Variants in TAB2 observed in about 807,000 individuals in gnomAD.
The protein encoded by TAB2 is TGF-beta activated kinase 1 (MAP3K7) binding protein 2, also known as TGF-beta-activated kinase 1 and MAP3K7-binding protein 2.
In TAB2, 3 loss-of-function variants were observed where a neutral mutation model predicts 65.0. The ratio of observed to expected loss-of-function variants is 0.05; its 90% CI spans 0.02 to 0.12. The LOEUF (loss-of-function observed/expected upper bound fraction) is 0.12. TAB2 is among the 10% of genes least tolerant of loss of function. TAB2 has a pLI of 1.00. For missense variants in TAB2, 623 were observed against 840.3 expected (o/e 0.74, Z 3.20); for synonymous variants, 298 against 285.1 (o/e 1.05, Z -0.46).
intron 1 of TAB2, among the ~76,000 whole-genome samples, chr6:149,222,235 C>T (rs1008167417): frequency 6.6e-6 from 1 of 152,210 alleles, no homozygotes; most frequent in Non-Finnish European, 1.5e-5. Context: ...ACTGGAATTA[C>T]ACCACCAGCT....
intron 6 of TAB2, among the ~76,000 whole-genome samples, chr6:149,402,184 C>A (rs1291495104): frequency 6.6e-6 from 1 of 151,328 alleles, no homozygotes; most frequent in Non-Finnish European, 1.5e-5. Flanking sequence ...GATTGACAAA[C>A]CCTTAGCTAG....
At chr6:149,373,998 A>AT (rs1410589724) in intron 2 of TAB2, among the ~76,000 whole-genome samples, 2 of 152,212 alleles carry the variant, frequency 1.3e-5, no homozygotes, top group Non-Finnish European at 2.9e-5. Context: ...CATAATGACC[A>AT]AAACTGATTG....
chr6:149,381,087 TC>T (rs1356264399), intron 3 of TAB2, among the ~76,000 whole-genome samples: 1 of 152,192 alleles, frequency 6.6e-6, no homozygotes, highest in Non-Finnish European at 1.5e-5. Flanking sequence ...CATATCGAGA[TC>T]CCTATCTCAA....
chr6:149,310,593 G>A (rs777389565), intron 1 of TAB2, among the ~76,000 whole-genome samples: 20 of 151,856 alleles, frequency 1.3e-4, no homozygotes, highest in African/African-American at 4.1e-4. Context: ...GCATTTACAT[G>A]ATTACCAATG....
intron 1 of TAB2, among the ~76,000 whole-genome samples, chr6:149,254,033 AAGAG>A (rs1214263917): frequency 1.3e-5 from 2 of 149,138 alleles, no homozygotes; most frequent in Non-Finnish European, 3.0e-5. Flanking sequence ...AAAAGAAAGA[AAGAG>A]AGAAAGAAAG....
chr6:149,294,016 TAAA>T (rs371482118), intron 1 of TAB2, among the ~76,000 whole-genome samples: 1 of 151,948 alleles, frequency 6.6e-6, no homozygotes. Context: ...AGTGAAGAGC[TAAA>T]AAAAACCCTA....
chr6:149,404,241 C>G (rs1782585986), intron 6 of TAB2, among the ~76,000 whole-genome samples: 1 of 152,006 alleles, frequency 6.6e-6, no homozygotes, highest in Non-Finnish European at 1.5e-5. Flanking sequence ...AAGAAGAGTG[C>G]TTAGGAATAC....
intron 1 of TAB2, among the ~76,000 whole-genome samples, chr6:149,334,466 G>A (rs1779874991): frequency 6.6e-6 from 1 of 152,090 alleles, no homozygotes; most frequent in African/African-American, 2.4e-5. Flanking sequence ...GATTGCTGAA[G>A]CCAGGAGTTT....
At chr6:149,326,487 T>C (rs1779622498) in intron 1 of TAB2, among the ~76,000 whole-genome samples, 1 of 152,028 alleles carries the variant, frequency 6.6e-6, no homozygotes, top group African/African-American at 2.4e-5. Context: ...ATAAATGACA[T>C]GTTATCATGG....
intron 6 of TAB2, among the ~76,000 whole-genome samples, chr6:149,405,746 G>C (rs1166925718): frequency 6.6e-6 from 1 of 152,202 alleles, no homozygotes; most frequent in Non-Finnish European, 1.5e-5. Context: ...GCTGGGAGAA[G>C]AGGGTATGGG....
At chr6:149,223,301 A>G (rs1777194263) in intron 1 of TAB2, among the ~76,000 whole-genome samples, 1 of 152,366 alleles carries the variant, frequency 6.6e-6, no homozygotes, top group Non-Finnish European at 1.5e-5. Context: ...CGATGAGGAC[A>G]TCTCAGTCAG....
intron 2 of TAB2, among the ~76,000 whole-genome samples, chr6:149,377,238 T>A (rs957683397): frequency 1.3e-4 from 20 of 150,642 alleles, no homozygotes; most frequent in Non-Finnish European, 2.4e-4. Flanking sequence ...GCCCGGCTAA[T>A]TTTTTTTTAT....
intron 3 of TAB2, among the ~76,000 whole-genome samples, chr6:149,383,284 T>G (rs1781679567): frequency 6.6e-6 from 1 of 152,064 alleles, no homozygotes; most frequent in Non-Finnish European, 1.5e-5. Context: ...ATGAGAGAAG[T>G]CTGTGGTTTG....
intron 1 of TAB2, among the ~76,000 whole-genome samples, chr6:149,264,508 G>T (rs529385898): frequency 3.9e-5 from 6 of 152,182 alleles, no homozygotes; most frequent in African/African-American, 1.4e-4. Flanking sequence ...TGGGGCACCT[G>T]TAAAATGTTG....
At chr6:149,220,004 A>T (rs952580568) in intron 1 of TAB2, among the ~76,000 whole-genome samples, 14 of 152,230 alleles carry the variant, frequency 9.2e-5, no homozygotes, top group African/African-American at 3.1e-4. Flanking sequence ...TTTATTTTTT[A>T]AAAATAATAA....
At chr6:149,285,674 A>T (rs1324305231) in intron 1 of TAB2, among the ~76,000 whole-genome samples, 1 of 152,224 alleles carries the variant, frequency 6.6e-6, no homozygotes, top group Non-Finnish European at 1.5e-5. Flanking sequence ...CGCGTAAGAG[A>T]GAAAAACCCC....
chr6:149,272,950 T>C (rs1338236678), intron 1 of TAB2, among the ~76,000 whole-genome samples: 7 of 152,190 alleles, frequency 4.6e-5, no homozygotes, highest in African/African-American at 1.7e-4. Context: ...GACTGTGCAC[T>C]CTTCATGAGA....
intron 1 of TAB2, among the ~76,000 whole-genome samples, chr6:149,347,803 A>G (rs1459954003): frequency 2.6e-5 from 4 of 152,152 alleles, no homozygotes; most frequent in South Asian, 2.1e-4. Flanking sequence ...GAAGTGCACC[A>G]AGTATTAGCT....
At chr6:149,336,477 C>A (rs1057306579) in intron 1 of TAB2, among the ~76,000 whole-genome samples, 5 of 152,048 alleles carry the variant, frequency 3.3e-5, no homozygotes. Flanking sequence ...ATGCAGTGTT[C>A]TATGTGTAAG....
Sources: gnomAD v4.1 joint callset for allele counts (sites outside exome capture counted in the v4.1 genomes callset) on GRCh38, gnomAD v4.1.1 for gene constraint, MANE v1.5 for transcripts, NCBI Gene and HGNC (gene_info 2026-07-23, HGNC 2026-07-21) for gene names.